CBFA2T3: variants seen among roughly 807,000 people sequenced by gnomAD.
CBFA2T3 encodes the protein CBFA2/RUNX1 partner transcriptional co-repressor 3.
Under a neutral mutation model 58.6 loss-of-function variants are expected in CBFA2T3, and 31 were observed. That is an observed-to-expected ratio of 0.53 (90% CI 0.40 to 0.71). The LOEUF (loss-of-function observed/expected upper bound fraction) is 0.71. CBFA2T3 is among the 30% of genes least tolerant of loss of function. The pLI, the probability that CBFA2T3 is intolerant of heterozygous loss-of-function variation, is 0.00. For missense variants in CBFA2T3, 1,076 were observed against 963.1 expected (o/e 1.12, Z -1.55); for synonymous variants, 531 against 421.9 (o/e 1.26, Z -3.17).
intron 1 of CBFA2T3, among the ~76,000 whole-genome samples, chr16:88,927,766 C>T (rs963803403): frequency 5.3e-5 from 8 of 152,192 alleles, no homozygotes; most frequent in South Asian, 2.1e-4. Flanking sequence ...TGCGGACACC[C>T]GGGAGCCAAC....
chr16:88,876,569 G>C lies in CBFA2T3; in HGVS notation c.*407C>G, dbSNP rs897864466. ...ACCAATTCGATTTTTTCATTGAAGA[G>C]AAAGTGTGTGATAGTCATAGAGAGA... On this transcript the variant is annotated 3_prime_UTR_variant, in exon 12 of 12. Coordinates refer to ENST00000268679, the MANE Select transcript of CBFA2T3 (RefSeq NM_005187.6). 1 of 256,120 alleles carries C rather than the reference G, an allele frequency of 3.9e-6. No homozygotes were observed. The highest frequency in any genetic ancestry group is 7.4e-6 in the Non-Finnish European group (1 of 134,828). 15.9% of individuals were successfully genotyped at this position (256,120 alleles called of 1,614,324 possible). A position where few individuals can be genotyped will look rare whatever the true frequency, so the allele number is the denominator to read the frequency against.
chr16:88,878,396 TC>T lies in CBFA2T3; in HGVS notation c.1662+873del, dbSNP rs551076038. On this transcript the variant is annotated intron_variant, in intron 11 of 11. Transcript: ENST00000268679. ...CCAGGCACAGATGCACACAGGGGCT[TC>T]AGATAGAGATCCGCCCTATCTCAAG... Among the ~76,000 whole-genome samples, 192 of 152,308 alleles carry T rather than the reference TC, an allele frequency of 1.3e-3. 1 individual carries two copies. Among genetic ancestry groups the T allele is most frequent in the African/African-American group, 4.5e-3 (186 of 41,568 alleles).
intron 1 of CBFA2T3, among the ~76,000 whole-genome samples, chr16:88,920,177 C>T (rs762670100): frequency 9.9e-5 from 15 of 152,202 alleles, no homozygotes; most frequent in Non-Finnish European, 1.3e-4. Flanking sequence ...GCTTGTGCAA[C>T]GGTGGAATGT....
chr16:88,889,475 G>A (rs1173671350), intron 5 of CBFA2T3, among the ~76,000 whole-genome samples: 1 of 151,856 alleles, frequency 6.6e-6, no homozygotes, highest in Admixed American at 6.6e-5. Flanking sequence ...AGGGACTGAG[G>A]GGAATGAGGG....
chr16:88,897,981 G>A (rs920823416), intron 3 of CBFA2T3, 97 bp downstream of exon 3: 1 of 886,346 alleles, frequency 1.1e-6, no homozygotes. Context: ...GGCCGGGGAG[G>A]AGAGCTGAGC....
At chr16:88,950,402 C>T (rs768209889) in intron 1 of CBFA2T3, 3 of 432,774 alleles carry the variant, frequency 6.9e-6, no homozygotes, top group East Asian at 7.4e-5. Flanking sequence ...TCAGTTCACC[C>T]GTCCCCTGGA....
At chr16:88,888,244 A>C (rs1969461906) in intron 5 of CBFA2T3, among the ~76,000 whole-genome samples, 1 of 150,936 alleles carries the variant, frequency 6.6e-6, no homozygotes, top group Non-Finnish European at 1.5e-5. Flanking sequence ...TTCTAGGATG[A>C]TGTCTTCAAG....
At chr16:88,900,937 T>A (rs941384361) in intron 2 of CBFA2T3, among the ~76,000 whole-genome samples, 5 of 152,210 alleles carry the variant, frequency 3.3e-5, no homozygotes, top group African/African-American at 4.8e-5. Flanking sequence ...GGTCCCACCC[T>A]TCCGGCCTCC....
chr16:88,960,679 A>T (rs1044369049), intron 1 of CBFA2T3, among the ~76,000 whole-genome samples: 1 of 152,240 alleles, frequency 6.6e-6, no homozygotes, highest in Non-Finnish European at 1.5e-5. Context: ...GAGGATAGTG[A>T]AGCTGAAAGA....
intron 1 of CBFA2T3, among the ~76,000 whole-genome samples, chr16:88,963,980 G>C (rs1461403222): frequency 6.6e-6 from 1 of 152,222 alleles, no homozygotes; most frequent in African/African-American, 2.4e-5. Context: ...GAAGAGCTCT[G>C]TCTGCAGTGA....
At position 88,907,222 on chromosome 16, in the gene CBFA2T3, G is replaced by A. The variant is rs1597708489; in HGVS notation, c.152-5566C>T. 2.6e-5 allele frequency among the ~76,000 whole-genome samples: 4 copies of A among 152,324 alleles called. No individual in the cohort carries two copies. The East Asian group carries it at 5.8e-4, about 22-fold the overall frequency. Reference sequence around the variant, plus strand: ...CGCTGCCCGTGCAGAAGAAAGCATGGAATTTGGGGAGGGCTCCCGAGGCCT... The same window carrying A: ...CGCTGCCCGTGCAGAAGAAAGCATGAAATTTGGGGAGGGCTCCCGAGGCCT... On this transcript the variant is annotated intron_variant, in intron 1 of 11. Coordinates refer to ENST00000268679, the MANE Select transcript of CBFA2T3 (RefSeq NM_005187.6).
At chr16:88,932,166 C>T (rs1016905929) in intron 1 of CBFA2T3, among the ~76,000 whole-genome samples, 4 of 138,402 alleles carry the variant, frequency 2.9e-5, no homozygotes, top group Non-Finnish European at 6.0e-5. Context: ...GCCCCTCACA[C>T]GGCCCCTGCT....
intron 1 of CBFA2T3, among the ~76,000 whole-genome samples, chr16:88,970,605 C>T (rs886772183): frequency 8.5e-5 from 13 of 152,224 alleles, no homozygotes; most frequent in African/African-American, 2.4e-4. Flanking sequence ...CCCTTCCCTC[C>T]GGGGCCACAG....
chr16:88,935,099 A>AG (rs761036952), intron 1 of CBFA2T3, among the ~76,000 whole-genome samples: 1 of 152,238 alleles, frequency 6.6e-6, no homozygotes, highest in Non-Finnish European at 1.5e-5. Flanking sequence ...AGCCTCCATC[A>AG]GGCACAGGGA....
chr16:88,949,698 T>C (rs541190303), intron 1 of CBFA2T3, among the ~76,000 whole-genome samples: 3 of 151,364 alleles, frequency 2.0e-5, no homozygotes, highest in African/African-American at 7.3e-5. Flanking sequence ...ACTTCATGAG[T>C]AGGCAAATCC....
intron 1 of CBFA2T3, among the ~76,000 whole-genome samples, chr16:88,927,949 G>A (rs892339198): frequency 7.9e-5 from 12 of 152,308 alleles, no homozygotes; most frequent in African/African-American, 1.9e-4. Flanking sequence ...AGTGTGGGGC[G>A]TCCTCTGAAG....
At chr16:88,947,209 C>G (rs1256146047) in intron 1 of CBFA2T3, among the ~76,000 whole-genome samples, 1 of 152,264 alleles carries the variant, frequency 6.6e-6, no homozygotes, top group Admixed American at 6.5e-5. Context: ...AATGAGAACT[C>G]GGCGCTTTCC....
In CBFA2T3 at chr16:88,890,018, C is replaced by T. The variant is rs1428780744; in HGVS notation, c.711+1864G>A. 3.4e-5 allele frequency among the ~76,000 whole-genome samples: 5 copies of T among 147,290 alleles called. No homozygotes were observed. In the South Asian group the frequency reaches 1.1e-3, roughly 32 times the overall value. On this transcript the variant is annotated intron_variant, in intron 5 of 11. Coordinates refer to ENST00000268679, the MANE Select transcript of CBFA2T3 (RefSeq NM_005187.6). ...CCAGGGGACGTTTCAAATCCCTGGA[C>T]GATGCCCCGCGATTCCTCCTCCTCC...
At chr16:88,957,062 C>G (rs1244663395) in intron 1 of CBFA2T3, among the ~76,000 whole-genome samples, 4 of 152,226 alleles carry the variant, frequency 2.6e-5, no homozygotes, top group Admixed American at 6.5e-5. Context: ...CCCTCTACGT[C>G]TTTGTCACGC....
Sources: gnomAD v4.1 joint callset for allele counts (sites outside exome capture counted in the v4.1 genomes callset) on GRCh38, gnomAD v4.1.1 for gene constraint, MANE v1.5 for transcripts, NCBI Gene and HGNC (gene_info 2026-07-23, HGNC 2026-07-21) for gene names.